Variants in ANO1 observed in about 807,000 individuals in gnomAD.
The protein encoded by ANO1 is anoctamin-1.
A neutral mutation model predicts 124.0 loss-of-function variants in ANO1; 59 were observed. That is an observed-to-expected ratio of 0.48 (90% CI 0.39 to 0.59). ANO1 has a LOEUF of 0.59. Ranked by LOEUF, ANO1 falls within the 20% of genes least tolerant of loss-of-function variation. The pLI is 0.00. For synonymous variants in ANO1, 529 were observed against 532.0 expected (o/e 0.99, Z 0.08); for missense variants, 1,059 against 1,328.0 (o/e 0.80, Z 3.15).
intron 2 of ANO1, among the ~76,000 whole-genome samples, chr11:70,095,527 A>C (rs556695634): frequency 1.8e-4 from 27 of 152,384 alleles, no homozygotes; most frequent in African/African-American, 6.5e-4. Flanking sequence ...CAGCTCTGCC[A>C]CAGGGCATCC....
intron 2 of ANO1, 134 bp downstream of exon 2, chr11:70,088,218 A>G: frequency 1.4e-6 from 1 of 702,684 alleles, no homozygotes. Context: ...GTTCTTAAAG[A>G]AGGGGCAGAC....
intron 14 of ANO1, among the ~76,000 whole-genome samples, chr11:70,154,568 G>A (rs1413623454): frequency 2.1e-5 from 3 of 142,892 alleles, no homozygotes; most frequent in African/African-American, 5.2e-5. Flanking sequence ...CCAGGTTCAC[G>A]CCATTCTCCT....
In ANO1 at chr11:70,187,909, G is replaced by A; in HGVS notation, c.2866G>A (p.Asp956Asn). 1 of 1,592,310 alleles carries A rather than the reference G, an allele frequency of 6.3e-7. No homozygotes were observed. Among genetic ancestry groups the A allele is most frequent in the East Asian group, 2.3e-5 (1 of 43,786 alleles). Reference sequence around the variant, plus strand: ...CTGGATGGAGAAGGAGCGGCAGAAGGACGAGCCGCCGTGCAACCACCACAA... The same window carrying A: ...CTGGATGGAGAAGGAGCGGCAGAAGAACGAGCCGCCGTGCAACCACCACAA... ...ETWMEKERQK[D>N]EPPCNHHNTK... Residue 956 changes from aspartate (D) to asparagine (N), a missense_variant, in exon 26 of 26, where the codon GAC becomes AAC. By Grantham distance (23) the Asp-to-Asn change is conservative (BLOSUM62 1). Transcript: ENST00000355303.
intron 11 of ANO1, among the ~76,000 whole-genome samples, chr11:70,140,376 A>C (rs571225099): frequency 1.3e-5 from 2 of 152,076 alleles, no homozygotes; most frequent in South Asian, 4.2e-4. Context: ...CTAAAAATAC[A>C]AAAAATTAGC....
intron 1 of ANO1, among the ~76,000 whole-genome samples, chr11:70,006,907 TGATCCG>T (rs1856502514): frequency 6.6e-6 from 1 of 152,018 alleles, no homozygotes; most frequent in African/African-American, 2.4e-5. Context: ...TGACTTCAGG[TGATCCG>T]CCCGCCTCGG....
At chr11:70,115,516 G>A (rs1311600096) in intron 7 of ANO1, among the ~76,000 whole-genome samples, 1 of 152,166 alleles carries the variant, frequency 6.6e-6, no homozygotes, top group South Asian at 2.1e-4. Flanking sequence ...GGGAGGCTGA[G>A]GCAGGAGAAT....
At chr11:70,051,366 C>A (rs1272851573) in intron 1 of ANO1, among the ~76,000 whole-genome samples, 1 of 152,220 alleles carries the variant, frequency 6.6e-6, no homozygotes, top group African/African-American at 2.4e-5. Context: ...TGTTGATGAG[C>A]ATTTGGGTTG....
At chr11:69,993,199 G>A (rs2131242) in intron 1 of ANO1, among the ~76,000 whole-genome samples, 9,752 of 152,184 alleles carry the variant, frequency 0.064, 431 homozygotes, top group South Asian at 0.11. Context: ...CCCTGGGTGT[G>A]GTGTGCAAAC....
chr11:70,132,010 A>T lies in ANO1; in HGVS notation c.1189A>T (p.Thr397Ser). ...CTGGAAGATGAGCTCAGCCTGCGCC[A>T]CGGCCCGCGCCAGCCACCTCTTCGA... ...SYWKMSSACA[T>S]ARASHLFDNP... is the part of the protein sequence containing the mutation. The change falls in exon 11 of 26, where the codon ACG (threonine) becomes TCG (serine). Residue 397 changes from threonine (T) to serine (S), a missense_variant. Thr to Ser is a moderately conservative substitution (Grantham distance 58, BLOSUM62 1). Coordinates refer to ENST00000355303, the MANE Select transcript of ANO1 (RefSeq NM_018043.7). 1 of 1,607,504 alleles carries T rather than the reference A, an allele frequency of 6.2e-7. No homozygotes were observed. The highest frequency in any genetic ancestry group is 2.2e-5 in the East Asian group (1 of 44,756).
In ANO1 at chr11:70,137,708, G is replaced by A. The variant is rs532439247; in HGVS notation, c.1258+5629G>A. Among the ~76,000 whole-genome samples the A allele has an allele frequency of 1.0e-3, 147 of 146,670 alleles. 19 individuals are homozygous for A. In the South Asian group the frequency reaches 0.013, roughly 13 times the overall value. ...GTTCACAGTGCCAGCTCCGGGGCCC[G>A]GCTCAGGTTCAAATCCCAGCTCTGT... is the stretch of plus-strand genomic sequence containing the variant. On this transcript the variant is annotated intron_variant, in intron 11 of 25. Transcript: ENST00000355303.
Position 70,166,522 on chromosome 11 carries a change from C to T in ANO1, c.2052-720C>T, listed in dbSNP as rs946059454. Among the ~76,000 whole-genome samples the T allele has an allele frequency of 2.0e-5, 3 of 152,074 alleles. No individual in the cohort carries two copies. The East Asian group carries it at 5.8e-4, about 29-fold the overall frequency. On this transcript the variant is annotated intron_variant, in intron 20 of 25. Transcript: ENST00000355303. ...ACTTGGCCTCGTTGTTACCTTGTAC[C>T]CTTCGGAAATCCATGTCCCATTCCC...
chr11:70,083,320 G>A (rs1277559843), intron 1 of ANO1, among the ~76,000 whole-genome samples: 4 of 152,124 alleles, frequency 2.6e-5, no homozygotes. Context: ...AGGTCTTAGG[G>A]ATATGGAGAG....
chr11:70,089,703 G>C (rs1475749028), intron 2 of ANO1, among the ~76,000 whole-genome samples: 1 of 152,294 alleles, frequency 6.6e-6, no homozygotes, highest in Admixed American at 6.5e-5. Flanking sequence ...CCCTGCCTTT[G>C]GGGGCAGCTG....
At chr11:69,990,688 T>C (rs1856136845) in intron 1 of ANO1, among the ~76,000 whole-genome samples, 1 of 152,006 alleles carries the variant, frequency 6.6e-6, no homozygotes, top group Non-Finnish European at 1.5e-5. Context: ...ATCCTGTGGG[T>C]GCGAAGTGGT....
At chr11:70,081,837 G>C (rs2044211685) in intron 1 of ANO1, among the ~76,000 whole-genome samples, 1 of 152,198 alleles carries the variant, frequency 6.6e-6, no homozygotes, top group Non-Finnish European at 1.5e-5. Context: ...AGGTCTTCCA[G>C]GACACTCCTG....
At chr11:70,039,332 G>C (rs1423748048) in intron 1 of ANO1, among the ~76,000 whole-genome samples, 1 of 152,142 alleles carries the variant, frequency 6.6e-6, no homozygotes, top group African/African-American at 2.4e-5. Context: ...TTTGAAACCT[G>C]CCATCTTCTG....
At position 70,024,671 on chromosome 11, in the gene ANO1, C is replaced by T. The variant is rs533234869; in HGVS notation, c.58+38505C>T. Reference sequence around the variant, plus strand: ...GGGCTCAGAGACCTTGATTTTGACTCGGGCTCCCAAGTTCTTCGCCACCAC... The same window carrying T: ...GGGCTCAGAGACCTTGATTTTGACTTGGGCTCCCAAGTTCTTCGCCACCAC... On this transcript the variant is annotated intron_variant, in intron 1 of 27. Transcript: ENST00000531349. Among the ~76,000 whole-genome samples, 6 of 152,304 alleles carry T rather than the reference C, an allele frequency of 3.9e-5. No homozygotes were observed. In the East Asian group the frequency reaches 1.2e-3, roughly 29 times the overall value.
At chr11:70,116,946 T>C (rs1278486669) in intron 8 of ANO1, among the ~76,000 whole-genome samples, 7 of 152,126 alleles carry the variant, frequency 4.6e-5, no homozygotes, top group African/African-American at 9.7e-5. Context: ...CAGCAGCGCA[T>C]TGGGGAAACC....
intron 6 of ANO1, chr11:70,111,224 A>G (rs1019166954): frequency 3.5e-5 from 16 of 459,196 alleles, no homozygotes; most frequent in African/African-American, 3.2e-4. Flanking sequence ...TTTCCCAATC[A>G]ACCTAAAATC....
Sources: gnomAD v4.1 joint callset for allele counts (sites outside exome capture counted in the v4.1 genomes callset) on GRCh38, gnomAD v4.1.1 for gene constraint, MANE v1.5 for transcripts, NCBI Gene and HGNC (gene_info 2026-07-23, HGNC 2026-07-21) for gene names.